The following AGBL1 variants were observed in gnomAD, a reference collection of about 807,000 sequenced individuals.
AGBL1 encodes the protein AGBL carboxypeptidase 1, also known as cytosolic carboxypeptidase 4.
Under a neutral mutation model 118.9 loss-of-function variants are expected in AGBL1, and 130 were observed. The ratio of observed to expected loss-of-function variants is 1.09; its 90% CI spans 0.95 to 1.26. The LOEUF is 1.26. Among genes scored for constraint, AGBL1 ranks in the 50% most tolerant of loss-of-function variants. The probability of loss-of-function intolerance (pLI) is 0.00; values close to 1 mark genes in which losing one functional copy is unlikely to be tolerated. For missense variants in AGBL1, 1,584 were observed against 1,298.1 expected, an observed-to-expected ratio of 1.22 and a Z score of -3.38; for synonymous variants, 555 against 478.9, an observed-to-expected ratio of 1.16 and a Z score of -2.08.
At chr15:86,112,157 A>G (rs1229185369) in intron 1 of AGBL1, among the ~76,000 whole-genome samples, 1 of 151,964 alleles carries the variant, frequency 6.6e-6, no homozygotes, top group Non-Finnish European at 1.5e-5. Context: ...AAAGTACACA[A>G]TAAATGTAAT....
chr15:86,737,311 G>A (rs563488303), intron 22 of AGBL1, among the ~76,000 whole-genome samples: 1 of 152,280 alleles, frequency 6.6e-6, no homozygotes, highest in East Asian at 1.9e-4. Context: ...GAGAGAAACA[G>A]CTGATGCAAT....
At chr15:86,338,445 G>T (rs570176603) in intron 17 of AGBL1, among the ~76,000 whole-genome samples, 1 of 152,154 alleles carries the variant, frequency 6.6e-6, no homozygotes, top group South Asian at 2.1e-4. Flanking sequence ...CACCATTGGT[G>T]GCTTGAGGTA....
chr15:87,030,589 A>T (rs2081774386), downstream of AGBL1, among the ~76,000 whole-genome samples: 1 of 151,992 alleles, frequency 6.6e-6, no homozygotes, highest in South Asian at 2.1e-4. Context: ...AGTAGAGAAA[A>T]TGATGTCATT....
At chr15:86,417,586 A>G (rs2142018662) in intron 18 of AGBL1, among the ~76,000 whole-genome samples, 1 of 152,336 alleles carries the variant, frequency 6.6e-6, no homozygotes, top group African/African-American at 2.4e-5. Flanking sequence ...ACATCATCTG[A>G]TGGCTGTTAG....
Position 86,471,484 on chromosome 15 carries a change from G to C in AGBL1, c.2556-51326G>C, listed in dbSNP as rs1398059644. On this transcript the variant is annotated intron_variant, in intron 18 of 22. Transcript: ENST00000614907. ...AGAATTTTTGTATCTGTTAATCAAGGATATTGGCCTATAGTTTTTTTTTTT... is the reference window on the plus strand; with the variant it reads ...AGAATTTTTGTATCTGTTAATCAAGCATATTGGCCTATAGTTTTTTTTTTT... Among the ~76,000 whole-genome samples, 3 of 143,998 alleles carry C rather than the reference G, an allele frequency of 2.1e-5. No homozygotes were observed. The East Asian group carries it at 5.9e-4, about 28-fold the overall frequency. 94.5% of individuals were successfully genotyped at this position (143,998 alleles called of 152,430 possible).
At chr15:86,511,399 A>G (rs1458149285) in intron 18 of AGBL1, among the ~76,000 whole-genome samples, 1 of 152,036 alleles carries the variant, frequency 6.6e-6, no homozygotes, top group African/African-American at 2.4e-5. Context: ...GACACCTTTC[A>G]TTTCTGTAGG....
intron 4 of AGBL1, among the ~76,000 whole-genome samples, chr15:86,155,934 T>G (rs188676566): frequency 6.6e-6 from 1 of 152,288 alleles, no homozygotes; most frequent in East Asian, 1.9e-4. Flanking sequence ...TTTTTTTTAT[T>G]TTTTTGAGAT....
chr15:87,013,298 G>T (rs2081579798), intron 24 of AGBL1, among the ~76,000 whole-genome samples: 1 of 152,128 alleles, frequency 6.6e-6, no homozygotes, highest in Admixed American at 6.6e-5. Flanking sequence ...AACAAAGCCA[G>T]CCCTGGTCTC....
chr15:86,215,524 G>A (rs867484348), intron 5 of AGBL1, among the ~76,000 whole-genome samples: 3 of 152,020 alleles, frequency 2.0e-5, no homozygotes, highest in South Asian at 2.1e-4. Flanking sequence ...AAAAAAGCTC[G>A]CTAGTGCCAG....
Position 86,117,253 on chromosome 15 carries a change from G to A in AGBL1, c.52-24751G>A, listed in dbSNP as rs189239517. Among the ~76,000 whole-genome samples the A allele has an allele frequency of 1.1e-4, 16 of 152,130 alleles. No homozygotes were observed. The East Asian group carries it at 1.7e-3, about 17-fold the overall frequency. On this transcript the variant is annotated intron_variant, in intron 1 of 22. Transcript: ENST00000614907. ...TCTGGGATGGCTGCTGGGAATCCCC[G>A]CTAAAATTGGTCTGTTACTAAGGAA... is the stretch of plus-strand genomic sequence containing the variant.
At chr15:86,221,675 C>A (rs2078282687) in intron 5 of AGBL1, among the ~76,000 whole-genome samples, 1 of 152,100 alleles carries the variant, frequency 6.6e-6, no homozygotes, top group Non-Finnish European at 1.5e-5. Flanking sequence ...TTTCAGTTTG[C>A]TCATTAGTTG....
chr15:86,830,594 T>C lies in AGBL1; in HGVS notation c.3159-76493T>C, dbSNP rs151168821. ...CACAAAAACTCAACAGCATAAGTTCTCCCTGATCTAGCTACTGTCAGGGCC... is the reference window on the plus strand; with the variant it reads ...CACAAAAACTCAACAGCATAAGTTCCCCCTGATCTAGCTACTGTCAGGGCC... On this transcript the variant is annotated intron_variant, in intron 22 of 22. Transcript: ENST00000614907. 1.9e-3 allele frequency among the ~76,000 whole-genome samples: 286 copies of C among 152,262 alleles called. 1 individual carries two copies. Among genetic ancestry groups the C allele is most frequent in the Admixed American group, 5.1e-3 (78 of 15,292 alleles).
At chr15:86,750,419 C>G (rs531040795) in intron 22 of AGBL1, among the ~76,000 whole-genome samples, 4 of 151,854 alleles carry the variant, frequency 2.6e-5, no homozygotes, top group Non-Finnish European at 4.4e-5. Context: ...TTCTGTATAA[C>G]AATAACACCG....
In AGBL1 at chr15:86,446,004, G is replaced by A. The variant is rs563721456; in HGVS notation, c.2555+48458G>A. On this transcript the variant is annotated intron_variant, in intron 18 of 22. Transcript: ENST00000614907. ...TCAGAACACTTGAGATGGAGAGAGA[G>A]GGAGGAAGAATGAAGAAGGGAGAGA... 9.2e-5 allele frequency among the ~76,000 whole-genome samples: 14 copies of A among 152,280 alleles called. 1 individual carries two copies. In the South Asian group the frequency reaches 2.9e-3, roughly 32 times the overall value.
intron 22 of AGBL1, among the ~76,000 whole-genome samples, chr15:86,827,938 C>CTTTTTTTTTTTTTTTTTTTTT (rs71144074): frequency 0.023 from 393 of 16,738 alleles, 140 homozygotes; most frequent in Middle Eastern, 0.05. Context: ...TGATGTAGGG[C>CTTTTTTTTTTTTTTTTTTTTT]TTTTTTTTTT....
chr15:86,233,531 A>G (rs930694030), intron 6 of AGBL1, among the ~76,000 whole-genome samples: 5 of 152,156 alleles, frequency 3.3e-5, no homozygotes, highest in African/African-American at 1.2e-4. Context: ...ATTGAGAAAC[A>G]CCCAAAGAAG....
At chr15:86,604,764 ATTTCTTTTTC>A (rs1362954052) in intron 21 of AGBL1, among the ~76,000 whole-genome samples, 1 of 145,678 alleles carries the variant, frequency 6.9e-6, no homozygotes, top group Non-Finnish European at 1.5e-5. Context: ...CTATTTTCAC[ATTTCTTTTTC>A]TTTCTTTTTT....
At chr15:86,474,820 C>T (rs1417906498) in intron 18 of AGBL1, among the ~76,000 whole-genome samples, 6 of 152,194 alleles carry the variant, frequency 3.9e-5, no homozygotes, top group Non-Finnish European at 5.9e-5. Context: ...CTGGGAGGCA[C>T]CCCCCAGTAG....
chr15:86,737,346 G>T (rs1198898029), intron 22 of AGBL1, among the ~76,000 whole-genome samples: 1 of 152,164 alleles, frequency 6.6e-6, no homozygotes, highest in Non-Finnish European at 1.5e-5. Flanking sequence ...GATATTCCTT[G>T]TTCAATGAGA....
Sources: allele counts gnomAD v4.1 joint callset (sites outside exome capture counted in the v4.1 genomes callset), GRCh38; gene constraint gnomAD v4.1.1; transcripts MANE v1.5; gene names NCBI Gene and HGNC (gene_info 2026-07-23, HGNC 2026-07-21).